Variants in PTPRT observed in about 807,000 individuals in gnomAD.
PTPRT encodes protein tyrosine phosphatase receptor type T.
Under a neutral mutation model 176.8 loss-of-function variants are expected in PTPRT, and 56 were observed. The ratio of observed to expected loss-of-function variants is 0.32; its 90% CI spans 0.26 to 0.40. The LOEUF (loss-of-function observed/expected upper bound fraction) is 0.40, where lower values mean the gene tolerates loss of function less well. Among genes scored for constraint, PTPRT ranks in the 10% least tolerant of loss-of-function variants. PTPRT has a pLI of 1.00. For synonymous variants in PTPRT, 783 were observed against 739.0 expected (o/e 1.06, Z -0.96); for missense variants, 1,540 against 1,908.2 (o/e 0.81, Z 3.60).
intron 8 of PTPRT, among the ~76,000 whole-genome samples, chr20:42,461,082 C>T (rs1009168726): frequency 6.6e-6 from 1 of 152,154 alleles, no homozygotes; most frequent in Non-Finnish European, 1.5e-5. Context: ...AATCCCAGCA[C>T]TTTGGGAGGC....
At chr20:42,182,493 C>T (rs1385470677) in intron 16 of PTPRT, among the ~76,000 whole-genome samples, 1 of 152,054 alleles carries the variant, frequency 6.6e-6, no homozygotes, top group Non-Finnish European at 1.5e-5. Flanking sequence ...ACTGGATGAC[C>T]ATTTGGGTCT....
intron 7 of PTPRT, among the ~76,000 whole-genome samples, chr20:42,538,865 TG>T: frequency 6.6e-6 from 1 of 152,224 alleles, no homozygotes; most frequent in East Asian, 1.9e-4. Context: ...TTCTCCATGT[TG>T]TTTGTGCACT....
chr20:42,852,991 G>T (rs1258090878), intron 2 of PTPRT, among the ~76,000 whole-genome samples: 1 of 152,210 alleles, frequency 6.6e-6, no homozygotes, highest in Non-Finnish European at 1.5e-5. Context: ...TTCAAGTGAA[G>T]GCATCAGGAG....
chr20:42,502,451 T>G (rs2071769001), intron 7 of PTPRT, among the ~76,000 whole-genome samples: 1 of 147,474 alleles, frequency 6.8e-6, no homozygotes, highest in Non-Finnish European at 1.5e-5. Flanking sequence ...CACACACATC[T>G]CAAATGAGAT....
intron 6 of PTPRT, among the ~76,000 whole-genome samples, chr20:42,741,446 G>A (rs2014959): frequency 0.73 from 110,665 of 151,552 alleles, 40,594 homozygotes; most frequent in East Asian, 0.86. Context: ...TTAGGTTCAA[G>A]CGATTCTCCT....
intron 13 of PTPRT, among the ~76,000 whole-genome samples, chr20:42,261,488 G>C (rs1479151607): frequency 6.6e-6 from 1 of 152,108 alleles, no homozygotes. Context: ...TCTAAGACCA[G>C]GTGAAGCTGA....
At chr20:42,032,497 G>A in the PTPRT span, among the ~76,000 whole-genome samples, 1 of 152,092 alleles carries the variant, frequency 6.6e-6, no homozygotes, top group Non-Finnish European at 1.5e-5. Context: ...GCAGAAAAGG[G>A]GAAAGGCCAC....
At chr20:43,174,789 A>G (rs2015087372) in intron 1 of PTPRT, among the ~76,000 whole-genome samples, 2 of 152,242 alleles carry the variant, frequency 1.3e-5, no homozygotes, top group African/African-American at 2.4e-5. Context: ...TGGGGATTTC[A>G]AAACTTATTC....
intron 7 of PTPRT, among the ~76,000 whole-genome samples, chr20:42,610,527 T>C (rs1258260757): frequency 6.6e-6 from 1 of 152,020 alleles, no homozygotes; most frequent in Non-Finnish European, 1.5e-5. Flanking sequence ...ACCTGAAATA[T>C]GTAGATTTGA....
intron 6 of PTPRT, among the ~76,000 whole-genome samples, chr20:42,729,561 G>A (rs2076430169): frequency 6.6e-6 from 1 of 152,196 alleles, no homozygotes; most frequent in Admixed American, 6.5e-5. Flanking sequence ...GGGGTGACAT[G>A]ACTCTCACAA....
intron 9 of PTPRT, among the ~76,000 whole-genome samples, chr20:42,415,503 T>C (rs1883268): frequency 0.57 from 86,186 of 151,946 alleles, 24,820 homozygotes; most frequent in East Asian, 0.64. Flanking sequence ...TGAGCCACCA[T>C]GTCTAGCCCA....
intron 8 of PTPRT, among the ~76,000 whole-genome samples, chr20:42,453,672 T>G (rs1030065400): frequency 2.6e-5 from 3 of 116,046 alleles, no homozygotes; most frequent in Non-Finnish European, 5.3e-5. Flanking sequence ...TCTTTTTCTT[T>G]TCTTTTTTTT....
intron 1 of PTPRT, among the ~76,000 whole-genome samples, chr20:43,078,107 T>C (rs2011328076): frequency 6.6e-6 from 1 of 152,232 alleles, no homozygotes; most frequent in African/African-American, 2.4e-5. Context: ...GGTTACAAGC[T>C]TCATCATAGC....
intron 14 of PTPRT, among the ~76,000 whole-genome samples, chr20:42,240,122 C>G (rs751969100): frequency 2.6e-5 from 4 of 152,180 alleles, no homozygotes; most frequent in Non-Finnish European, 5.9e-5. Flanking sequence ...CACAGACCAC[C>G]TTTTCCAAGT....
chr20:42,343,822 C>G (rs886218055), intron 11 of PTPRT, among the ~76,000 whole-genome samples: 1 of 152,228 alleles, frequency 6.6e-6, no homozygotes, highest in African/African-American at 2.4e-5. Flanking sequence ...CAGCAGGGCT[C>G]AGAGAAAATT....
At chr20:42,493,732 A>G (rs138440835) in intron 7 of PTPRT, among the ~76,000 whole-genome samples, 17 of 152,076 alleles carry the variant, frequency 1.1e-4, no homozygotes, top group South Asian at 2.1e-4. Flanking sequence ...CATCCATCCA[A>G]AAGTTTTTTG....
chr20:42,415,212 T>C (rs1600985476), intron 9 of PTPRT, among the ~76,000 whole-genome samples: 1 of 152,184 alleles, frequency 6.6e-6, no homozygotes, highest in Non-Finnish European at 1.5e-5. Flanking sequence ...AGAAGGGTCT[T>C]GCTCTGTTGC....
intron 7 of PTPRT, among the ~76,000 whole-genome samples, chr20:42,650,616 C>T (rs1188766859): frequency 6.6e-6 from 1 of 152,144 alleles, no homozygotes; most frequent in Non-Finnish European, 1.5e-5. Flanking sequence ...TTGAAAGACT[C>T]AGCATGCACA....
intron 11 of PTPRT, among the ~76,000 whole-genome samples, chr20:42,341,466 TAAAAG>T (rs1044780113): frequency 5.9e-5 from 9 of 152,184 alleles, no homozygotes; most frequent in African/African-American, 9.7e-5. Flanking sequence ...TTTCTTGTTT[TAAAAG>T]AAAAGAAAAG....
Sources: gnomAD v4.1 joint callset for allele counts (sites outside exome capture counted in the v4.1 genomes callset) on GRCh38, gnomAD v4.1.1 for gene constraint, MANE v1.5 for transcripts, NCBI Gene and HGNC (gene_info 2026-07-23, HGNC 2026-07-21) for gene names.